Variants in PIP5K1A observed in about 807,000 individuals in gnomAD.
PIP5K1A encodes phosphatidylinositol-4-phosphate 5-kinase type 1 alpha.
A neutral mutation model predicts 72.9 loss-of-function variants in PIP5K1A; 46 were observed. The observed-to-expected ratio is 0.63, with a 90% CI of 0.50 to 0.81. The LOEUF is 0.81. Ranked by LOEUF, PIP5K1A falls within the 30% of genes least tolerant of loss-of-function variation. The pLI is 0.00. For synonymous variants in PIP5K1A, 228 were observed against 255.1 expected (o/e 0.89, Z 1.01); for missense variants, 458 against 706.1 (o/e 0.65, Z 3.98).
At chr1:151,226,391 G>A (rs780867082) in intron 3 of PIP5K1A, among the ~76,000 whole-genome samples, 7 of 151,772 alleles carry the variant, frequency 4.6e-5, no homozygotes, top group Non-Finnish European at 8.8e-5. Flanking sequence ...GGCCATCGCC[G>A]AGCTGTGTTT....
chr1:151,216,636 T>C (rs1687665963), intron 1 of PIP5K1A, among the ~76,000 whole-genome samples: 1 of 152,186 alleles, frequency 6.6e-6, no homozygotes, highest in South Asian at 2.1e-4. Context: ...TTTCTCTTTC[T>C]GTTGTACCTC....
At chr1:151,214,065 C>A (rs1687234936) in intron 1 of PIP5K1A, among the ~76,000 whole-genome samples, 1 of 151,954 alleles carries the variant, frequency 6.6e-6, no homozygotes, top group South Asian at 2.1e-4. Context: ...AATTTTTTGA[C>A]CTTTTTCCAC....
intron 14 of PIP5K1A, among the ~76,000 whole-genome samples, chr1:151,246,650 G>A (rs1692552303): frequency 6.6e-6 from 1 of 152,156 alleles, no homozygotes; most frequent in Non-Finnish European, 1.5e-5. Flanking sequence ...GGATTATTGG[G>A]GGCAATCTTA....
At chr1:151,241,622 G>A (rs1200807342) in intron 12 of PIP5K1A, among the ~76,000 whole-genome samples, 2 of 152,074 alleles carry the variant, frequency 1.3e-5, no homozygotes, top group African/African-American at 4.8e-5. Context: ...CCAACATGGT[G>A]AAACCCCGTC....
At chr1:151,236,890 C>A in intron 9 of PIP5K1A, 127 bp downstream of exon 9, 2 of 660,730 alleles carry the variant, frequency 3.0e-6, no homozygotes, top group Admixed American at 6.1e-5. Context: ...TGCAATGGCA[C>A]GATCTCAGCC....
chr1:151,239,276 C>CTTTTTTT (rs587607391), intron 11 of PIP5K1A, 98 bp downstream of exon 11: 18 of 606,956 alleles, frequency 3.0e-5, no homozygotes, highest in East Asian at 9.7e-5. Flanking sequence ...TTTCTTTTTT[C>CTTTTTTT]TTTTTTTTTT....
chr1:151,209,424 C>G (rs1686458649), intron 1 of PIP5K1A, among the ~76,000 whole-genome samples: 1 of 150,838 alleles, frequency 6.6e-6, no homozygotes, highest in Admixed American at 6.6e-5. Context: ...GCGCGTGCCA[C>G]CATGCCTGGC....
At chr1:151,229,828 A>C (rs2102573316) in intron 4 of PIP5K1A, among the ~76,000 whole-genome samples, 1 of 151,404 alleles carries the variant, frequency 6.6e-6, no homozygotes, top group African/African-American at 2.4e-5. Context: ...TCATGCCTGT[A>C]ATCCCAGCAC....
chr1:151,224,462 A>G, intron 3 of PIP5K1A, 56 bp downstream of exon 3: 1 of 1,207,356 alleles, frequency 8.3e-7, no homozygotes. Flanking sequence ...AAATATTAAC[A>G]ATATCTCACA....
At chr1:151,207,434 G>A (rs1686090661) in intron 1 of PIP5K1A, among the ~76,000 whole-genome samples, 1 of 152,088 alleles carries the variant, frequency 6.6e-6, no homozygotes, top group South Asian at 2.1e-4. Context: ...AAGTTGACTA[G>A]AGGGAAATGT....
chr1:151,240,708 G>T (rs946000800), intron 12 of PIP5K1A, among the ~76,000 whole-genome samples: 1 of 151,656 alleles, frequency 6.6e-6, no homozygotes, highest in Non-Finnish European at 1.5e-5. Flanking sequence ...CAGGAGGATC[G>T]GTTAAGCCCG....
At chr1:151,200,216 G>A (rs1478126011) in intron 1 of PIP5K1A, among the ~76,000 whole-genome samples, 1 of 143,838 alleles carries the variant, frequency 7.0e-6, no homozygotes, top group African/African-American at 2.6e-5. Flanking sequence ...GTGTTGTGGG[G>A]GAGTATTGCA....
At chr1:151,231,918 G>C (rs1418065891) in intron 5 of PIP5K1A, 117 bp downstream of exon 5, 1 of 931,950 alleles carries the variant, frequency 1.1e-6, no homozygotes, top group Non-Finnish European at 1.7e-6. Context: ...TCTTAACCTG[G>C]TTACAATCAG....
intron 1 of PIP5K1A, among the ~76,000 whole-genome samples, chr1:151,206,580 T>C (rs974709386): frequency 6.6e-6 from 1 of 152,206 alleles, no homozygotes; most frequent in Non-Finnish European, 1.5e-5. Flanking sequence ...TTGTTTTGTT[T>C]TTTGAGGCGG....
rs758640783 is a variant in PIP5K1A at position 151,219,484 on chromosome 1, C to T, written c.86-4761C>T. 6.0e-5 allele frequency among the ~76,000 whole-genome samples: 9 copies of T among 150,140 alleles called. No homozygotes were observed. In the South Asian group the frequency reaches 1.3e-3, roughly 21 times the overall value. The stretch of plus-strand genomic sequence containing the variant: ...GGCGGGTCATCTGCAGTCAGGAGTT[C>T]GAGACCAGCCTGACCAACATGGTGA... On this transcript the variant is annotated intron_variant, in intron 1 of 15. Coordinates refer to ENST00000368888, the MANE Select transcript of PIP5K1A (RefSeq NM_001135638.2).
chr1:151,214,712 C>G (rs967038534), intron 1 of PIP5K1A, among the ~76,000 whole-genome samples: 1 of 151,468 alleles, frequency 6.6e-6, no homozygotes, highest in Non-Finnish European at 1.5e-5. Flanking sequence ...AAATTGCCCT[C>G]AAGGAGCGGA....
intron 4 of PIP5K1A, among the ~76,000 whole-genome samples, chr1:151,230,314 T>G (rs1689858265): frequency 6.6e-6 from 1 of 152,148 alleles, no homozygotes; most frequent in Non-Finnish European, 1.5e-5. Flanking sequence ...GTTTTAAATT[T>G]GAGTTAACTT....
intron 1 of PIP5K1A, 103 bp downstream of exon 1, chr1:151,199,184 AC>A: frequency 1.3e-6 from 2 of 1,583,520 alleles, no homozygotes; most frequent in Admixed American, 3.5e-5. Context: ...CCTACGTGTT[AC>A]CGGTAAGTGG....
chr1:151,212,678 C>T (rs1033952032), intron 1 of PIP5K1A, among the ~76,000 whole-genome samples: 1 of 151,936 alleles, frequency 6.6e-6, no homozygotes, highest in African/African-American at 2.4e-5. Context: ...AGGTTCAAGC[C>T]ATTCTCCTGC....
Sources: gnomAD v4.1 joint callset for allele counts (sites outside exome capture counted in the v4.1 genomes callset) on GRCh38, gnomAD v4.1.1 for gene constraint, MANE v1.5 for transcripts, NCBI Gene and HGNC (gene_info 2026-07-23, HGNC 2026-07-21) for gene names.